Variants in SPATA16 observed in about 807,000 individuals in gnomAD.
SPATA16 encodes spermatogenesis associated 16, also known as spermatogenesis-associated protein 16.
A neutral mutation model predicts 63.3 loss-of-function variants in SPATA16; 36 were observed. The observed-to-expected ratio is 0.57, with a 90% CI of 0.44 to 0.75. SPATA16 has a LOEUF of 0.75. Ranked by LOEUF, SPATA16 falls within the 30% of genes least tolerant of loss-of-function variation. The pLI, the probability that SPATA16 is intolerant of heterozygous loss-of-function variation, is 0.00. For synonymous variants in SPATA16, 203 were observed against 216.7 expected (o/e 0.94, Z 0.56); for missense variants, 646 against 679.3 (o/e 0.95, Z 0.54).
In SPATA16 at chr3:173,082,405, G is replaced by T. The variant is rs150001903; in HGVS notation, c.613-33311C>A. ...CTTCCAGCTGCTTGTCCTGTCTGTC[G>T]CCCCTTACCCTTCCTTCCCGCTTCT... On this transcript the variant is annotated intron_variant, in intron 2 of 10. Coordinates refer to ENST00000351008, the MANE Select transcript of SPATA16 (RefSeq NM_031955.6). Among the ~76,000 whole-genome samples, 701 of 152,184 alleles carry T rather than the reference G, an allele frequency of 4.6e-3. 9 individuals carry two copies. Among genetic ancestry groups the T allele is most frequent in the African/African-American group, 0.016 (666 of 41,492 alleles).
Position 172,995,138 on chromosome 3 carries a change from T to G in SPATA16, c.849-18086A>C, listed in dbSNP as rs79864424. Among the ~76,000 whole-genome samples the G allele has an allele frequency of 8.5e-3, 1,297 of 152,124 alleles. 14 individuals carry two copies. The highest frequency in any genetic ancestry group is 0.023 in the African/African-American group (959 of 41,526). On this transcript the variant is annotated intron_variant, in intron 4 of 10. Transcript: ENST00000351008. ...AATGTGCAATTCTTTTTTAAAAAAGTAAAGGGGATAGAACCTTTGGAAATA... is the reference window on the plus strand; with the variant it reads ...AATGTGCAATTCTTTTTTAAAAAAGGAAAGGGGATAGAACCTTTGGAAATA...
chr3:173,113,455 A>G (rs923318497), intron 2 of SPATA16, among the ~76,000 whole-genome samples: 2 of 152,234 alleles, frequency 1.3e-5, no homozygotes, highest in South Asian at 4.1e-4. Context: ...GTAAAAAGAA[A>G]GCATGCAAAA....
intron 6 of SPATA16, among the ~76,000 whole-genome samples, chr3:172,942,627 T>C (rs1279952582): frequency 6.6e-6 from 1 of 152,164 alleles, no homozygotes; most frequent in Non-Finnish European, 1.5e-5. Context: ...TATTTACTGA[T>C]GTCGAGTAGA....
At chr3:173,112,041 C>T (rs1321415413) in intron 2 of SPATA16, among the ~76,000 whole-genome samples, 1 of 152,066 alleles carries the variant, frequency 6.6e-6, no homozygotes, top group East Asian at 1.9e-4. Context: ...TAAAACTGCT[C>T]CATATTTTAT....
At chr3:172,933,706 A>G (rs368617994) in intron 6 of SPATA16, among the ~76,000 whole-genome samples, 1 of 152,310 alleles carries the variant, frequency 6.6e-6, no homozygotes, top group East Asian at 1.9e-4. Flanking sequence ...TCTTCAAGTT[A>G]TGTAAATCAG....
chr3:172,988,322 CT>C (rs1734500929), intron 4 of SPATA16, among the ~76,000 whole-genome samples: 1 of 152,194 alleles, frequency 6.6e-6, no homozygotes, highest in Non-Finnish European at 1.5e-5. Context: ...CGTAAAACAT[CT>C]GAATATTTAA....
intron 5 of SPATA16, among the ~76,000 whole-genome samples, chr3:172,962,804 C>A (rs936737634): frequency 6.6e-6 from 1 of 151,886 alleles, no homozygotes; most frequent in African/African-American, 2.4e-5. Flanking sequence ...GCTAATAAAC[C>A]TCTTTGTTAT....
rs1043836695 is a variant in SPATA16, at chr3:173,039,426, A to G, written c.758+9523T>C. 4.6e-5 allele frequency among the ~76,000 whole-genome samples: 7 copies of G among 152,244 alleles called. No homozygotes were observed. In the East Asian group the frequency reaches 5.8e-4, roughly 13 times the overall value. On this transcript the variant is annotated intron_variant, in intron 3 of 10. Transcript: ENST00000351008. ...GGGAGCACACCCTAATCTGTTTTCT[A>G]AAGACCACATGGAAATCAAAAGCAA...
chr3:173,030,675 T>C (rs1735584271), intron 3 of SPATA16, among the ~76,000 whole-genome samples: 1 of 152,036 alleles, frequency 6.6e-6, no homozygotes, highest in Non-Finnish European at 1.5e-5. Context: ...TGGAAGTTCC[T>C]CAAAAAGTTA....
intron 3 of SPATA16, among the ~76,000 whole-genome samples, chr3:173,021,490 C>A (rs1406950703): frequency 6.6e-6 from 1 of 152,176 alleles, no homozygotes; most frequent in African/African-American, 2.4e-5. Context: ...AAAATGATCA[C>A]ATGGGTTCAT....
chr3:173,117,414 C>G lies in SPATA16; in HGVS notation c.318G>C (p.Gln106His). ...KQAKITELDNQLITMPLPHIP... is the reference protein window; with the variant it reads ...KQAKITELDNHLITMPLPHIP... ...TGTGAGGCAGAGGCATGGTGATTAA[C>G]TGATTGTCAAGTTCTGTTATCTTTG... Residue 106 changes from glutamine (Q) to histidine (H), a missense_variant, in exon 2 of 11, where the codon CAG becomes CAC. By Grantham distance (24) the Gln-to-His change is conservative. Coordinates refer to ENST00000351008, the MANE Select transcript of SPATA16 (RefSeq NM_031955.6). 6.2e-7 allele frequency: 1 copy of G among 1,614,124 alleles called. No individual in the cohort carries two copies. The highest frequency in any genetic ancestry group is 8.5e-7 in the Non-Finnish European group (1 of 1,180,008).
At chr3:172,918,459 T>G (rs1034655220) in intron 8 of SPATA16, among the ~76,000 whole-genome samples, 9 of 152,244 alleles carry the variant, frequency 5.9e-5, no homozygotes, top group African/African-American at 2.2e-4. Context: ...AAGAATACAG[T>G]TGACTGCTAA....
intron 3 of SPATA16, among the ~76,000 whole-genome samples, chr3:173,026,165 G>C (rs977337028): frequency 6.6e-6 from 1 of 151,678 alleles, no homozygotes; most frequent in East Asian, 1.9e-4. Context: ...TGTGGCTTTA[G>C]TTTGCATTTC....
intron 6 of SPATA16, among the ~76,000 whole-genome samples, chr3:172,930,644 C>T (rs186768916): frequency 2.0e-5 from 3 of 148,830 alleles, no homozygotes; most frequent in East Asian, 4.0e-4. Context: ...CTGCAAGCTC[C>T]ACCTCCTGGG....
At chr3:173,039,156 G>A (rs1275722941) in intron 3 of SPATA16, among the ~76,000 whole-genome samples, 2 of 151,954 alleles carry the variant, frequency 1.3e-5, no homozygotes, top group African/African-American at 2.4e-5. Flanking sequence ...TTTAAAATCT[G>A]AAGTACATGA....
At chr3:173,009,282 C>T (rs1214743450) in intron 4 of SPATA16, among the ~76,000 whole-genome samples, 2 of 152,094 alleles carry the variant, frequency 1.3e-5, no homozygotes, top group Non-Finnish European at 2.9e-5. Context: ...ACAACAGGAC[C>T]CAAAAGAGAG....
chr3:173,011,490 G>A (rs1009083432), intron 4 of SPATA16, among the ~76,000 whole-genome samples: 1 of 152,124 alleles, frequency 6.6e-6, no homozygotes, highest in African/African-American at 2.4e-5. Flanking sequence ...GGGTGGTATG[G>A]CTGTAGACCA....
chr3:172,895,449 C>T (rs975693430), intron 10 of SPATA16, among the ~76,000 whole-genome samples: 2 of 152,140 alleles, frequency 1.3e-5, no homozygotes, highest in African/African-American at 4.8e-5. Context: ...GATTCTCTTG[C>T]CTCAGCATCC....
Position 172,960,875 on chromosome 3 carries a change from C to T in SPATA16, c.934-4051G>A, listed in dbSNP as rs3980204. ...GAATTATGTAACTTACTTTCTTTCTCTCTTTCTTTCTCTCTCTCCTTCCTT... is the reference window on the plus strand; with the variant it reads ...GAATTATGTAACTTACTTTCTTTCTTTCTTTCTTTCTCTCTCTCCTTCCTT... On this transcript the variant is annotated intron_variant, in intron 5 of 10. Transcript: ENST00000351008. 8.7e-3 allele frequency among the ~76,000 whole-genome samples: 1,243 copies of T among 142,236 alleles called. 22 individuals carry two copies. The highest frequency in any genetic ancestry group is 0.03 in the African/African-American group (1,104 of 37,054). The allele number at this position is 142,236 out of a possible 152,430, so 93.3% of individuals were successfully genotyped here.
Sources: allele counts gnomAD v4.1 joint callset (sites outside exome capture counted in the v4.1 genomes callset), GRCh38; gene constraint gnomAD v4.1.1; transcripts MANE v1.5; gene names NCBI Gene and HGNC (gene_info 2026-07-23, HGNC 2026-07-21).